Variants in HEMK2 observed in about 807,000 individuals in gnomAD.
The protein encoded by HEMK2 is methyltransferase HEMK2.
the HEMK2 span, among the ~76,000 whole-genome samples, chr21:28,842,282 T>G: frequency 2.6e-5 from 4 of 152,198 alleles, no homozygotes; most frequent in East Asian, 7.7e-4. Flanking sequence ...TTATATCACA[T>G]GTATAACTAC....
chr21:28,863,435 T>TACAC, the HEMK2 span, among the ~76,000 whole-genome samples: 3 of 77,540 alleles, frequency 3.9e-5, no homozygotes, highest in African/African-American at 1.9e-4. Flanking sequence ...TATATATATA[T>TACAC]ATATATATAT....
At chr21:28,584,633 C>A in the HEMK2 span, among the ~76,000 whole-genome samples, 38 of 152,102 alleles carry the variant, frequency 2.5e-4, no homozygotes, top group Non-Finnish European at 4.1e-4. Context: ...TCCCCACACT[C>A]TCAGGATGTC....
the HEMK2 span, among the ~76,000 whole-genome samples, chr21:28,596,193 A>G: frequency 2.0e-5 from 3 of 151,836 alleles, no homozygotes; most frequent in East Asian, 5.8e-4. Context: ...ATTTTTTTGT[A>G]TTTTTAGTAG....
chr21:28,877,298 A>AAGGAAGGAAGGAAGGAAGGAAGGG, the HEMK2 span, among the ~76,000 whole-genome samples: 45 of 94,146 alleles, frequency 4.8e-4, no homozygotes, highest in Non-Finnish European at 8.8e-4. Context: ...GGAAGGAAGG[A>AAGGAAGGAAGGAAGGAAGGAAGGG]AGAGAGAGAG....
the HEMK2 span, among the ~76,000 whole-genome samples, chr21:28,738,443 G>A: frequency 6.6e-6 from 1 of 152,196 alleles, no homozygotes; most frequent in African/African-American, 2.4e-5. Flanking sequence ...ACAAGATAAA[G>A]GGCAAGGAAG....
chr21:28,715,344 T>A, the HEMK2 span, among the ~76,000 whole-genome samples: 4 of 152,150 alleles, frequency 2.6e-5, no homozygotes, highest in African/African-American at 9.7e-5. Flanking sequence ...GTCTGACTGA[T>A]GCAAGATGGT....
At chr21:28,778,307 T>A in the HEMK2 span, among the ~76,000 whole-genome samples, 1 of 152,244 alleles carries the variant, frequency 6.6e-6, no homozygotes, top group Non-Finnish European at 1.5e-5. Flanking sequence ...CCATTTCTTT[T>A]TATTGCTGGG....
the HEMK2 span, among the ~76,000 whole-genome samples, chr21:28,722,244 A>T: frequency 6.6e-6 from 1 of 152,130 alleles, no homozygotes; most frequent in Admixed American, 6.5e-5. Flanking sequence ...ATACAAAAAA[A>T]TTTAAAGGGG....
At chr21:28,792,839 G>A in the HEMK2 span, among the ~76,000 whole-genome samples, 1 of 152,008 alleles carries the variant, frequency 6.6e-6, no homozygotes, top group Non-Finnish European at 1.5e-5. Flanking sequence ...ATCTCCATCT[G>A]GATCTTTTCA....
the HEMK2 span, among the ~76,000 whole-genome samples, chr21:28,654,607 A>G: frequency 6.6e-6 from 1 of 151,158 alleles, no homozygotes; most frequent in East Asian, 1.9e-4. Context: ...AAAAAATAAA[A>G]CACACATTTT....
chr21:28,647,016 G>A, the HEMK2 span, among the ~76,000 whole-genome samples: 1 of 152,150 alleles, frequency 6.6e-6, no homozygotes, highest in African/African-American at 2.4e-5. Context: ...AGAACATTAA[G>A]GGTGAGAGAT....
chr21:28,877,130 AAG>A, the HEMK2 span, among the ~76,000 whole-genome samples: 1 of 64,094 alleles, frequency 1.6e-5, no homozygotes, highest in Non-Finnish European at 4.7e-5. Flanking sequence ...GGAAGAAAAA[AAG>A]AGAAGAGAAG....
the HEMK2 span, among the ~76,000 whole-genome samples, chr21:28,717,537 T>C: frequency 7.0e-6 from 1 of 142,888 alleles, no homozygotes; most frequent in African/African-American, 2.7e-5. Flanking sequence ...TGGAGTACAG[T>C]GGCATGCTCT....
the HEMK2 span, among the ~76,000 whole-genome samples, chr21:28,830,807 G>A: frequency 1.1e-3 from 172 of 151,434 alleles, no homozygotes; most frequent in Middle Eastern, 3.4e-3. Flanking sequence ...AACCCAGGAG[G>A]AGGAAGTTGC....
the HEMK2 span, among the ~76,000 whole-genome samples, chr21:28,634,992 T>C: frequency 3.5e-4 from 53 of 152,298 alleles, no homozygotes; most frequent in Non-Finnish European, 6.9e-4. Flanking sequence ...TAGCATAGAC[T>C]TGGGAGTCTG....
the HEMK2 span, among the ~76,000 whole-genome samples, chr21:28,859,443 C>T: frequency 6.6e-6 from 1 of 152,168 alleles, no homozygotes; most frequent in Non-Finnish European, 1.5e-5. Context: ...TAATCACCAT[C>T]CTTATCTTAA....
At chr21:28,673,946 T>C in the HEMK2 span, among the ~76,000 whole-genome samples, 1 of 152,180 alleles carries the variant, frequency 6.6e-6, no homozygotes, top group African/African-American at 2.4e-5. Flanking sequence ...CCATCTTAAA[T>C]AGAAGCTGGG....
chr21:28,867,749 C>T, the HEMK2 span, among the ~76,000 whole-genome samples: 1 of 152,192 alleles, frequency 6.6e-6, no homozygotes, highest in Non-Finnish European at 1.5e-5. Flanking sequence ...GCAGGGATTA[C>T]ATCACGTCCA....
chr21:28,860,100 A>T, the HEMK2 span, among the ~76,000 whole-genome samples: 1 of 152,208 alleles, frequency 6.6e-6, no homozygotes, highest in Non-Finnish European at 1.5e-5. Flanking sequence ...GGATTGAAGG[A>T]TACAAAGGAT....
Sources: allele counts gnomAD v4.1 joint callset (sites outside exome capture counted in the v4.1 genomes callset), GRCh38; gene constraint gnomAD v4.1.1; transcripts MANE v1.5; gene names NCBI Gene and HGNC (gene_info 2026-07-23, HGNC 2026-07-21).